Variants in ABHD3 observed in about 807,000 individuals in gnomAD.
ABHD3 encodes abhydrolase domain containing 3, phospholipase.
ABHD3 carries 46 observed loss-of-function variants against 48.8 expected under a neutral mutation model. The observed-to-expected ratio is 0.94, with a 90% CI of 0.74 to 1.20. The LOEUF is 1.20. ABHD3 is among the 50% of genes most tolerant of loss of function. The pLI is 0.00. For missense variants in ABHD3, 490 were observed against 497.8 expected, an observed-to-expected ratio of 0.98 and a Z score of 0.15; for synonymous variants, 192 against 183.7, an observed-to-expected ratio of 1.04 and a Z score of -0.36.
chr18:21,675,486 C>T (rs1299600827), intron 4 of ABHD3, among the ~76,000 whole-genome samples: 1 of 151,942 alleles, frequency 6.6e-6, no homozygotes, highest in Non-Finnish European at 1.5e-5. Context: ...CCAGAATGGT[C>T]TTGATCTCCT....
At chr18:21,693,356 T>C (rs745652873) in intron 3 of ABHD3, among the ~76,000 whole-genome samples, 8 of 152,192 alleles carry the variant, frequency 5.3e-5, no homozygotes, top group Non-Finnish European at 1.2e-4. Context: ...ATAATTTGTC[T>C]GTGGGTAGGC....
chr18:21,700,477 C>T (rs1208500326), intron 3 of ABHD3, among the ~76,000 whole-genome samples: 4 of 151,836 alleles, frequency 2.6e-5, no homozygotes, highest in Non-Finnish European at 5.9e-5. Flanking sequence ...TGGCTCACTG[C>T]ACCCTCTGCC....
At chr18:21,673,433 C>T (rs1489800462) in intron 4 of ABHD3, among the ~76,000 whole-genome samples, 3 of 151,556 alleles carry the variant, frequency 2.0e-5, no homozygotes, top group Non-Finnish European at 4.4e-5. Flanking sequence ...GCTGGGATTA[C>T]AGACATGCAC....
chr18:21,671,667 T>C (rs144198736), intron 4 of ABHD3, among the ~76,000 whole-genome samples: 38 of 152,252 alleles, frequency 2.5e-4, no homozygotes, highest in Middle Eastern at 3.4e-3. Context: ...ATCCAAAAGA[T>C]ATATCACTTC....
At chr18:21,673,727 T>A (rs762513674) in intron 4 of ABHD3, 1 of 152,540 alleles carries the variant, frequency 6.6e-6, no homozygotes, top group Non-Finnish European at 1.5e-5. Context: ...TTCTTCAGCC[T>A]CCTGAGTAGC....
intron 8 of ABHD3, among the ~76,000 whole-genome samples, chr18:21,653,282 G>A (rs904706731): frequency 1.9e-4 from 28 of 150,216 alleles, no homozygotes; most frequent in African/African-American, 6.6e-4. Flanking sequence ...GTGAACTATC[G>A]CACCACTGCA....
chr18:21,683,678 ATATAT>A (rs2040060683), intron 4 of ABHD3: 8 of 235,656 alleles, frequency 3.4e-5, no homozygotes, highest in East Asian at 2.8e-4. Context: ...AAAAATAGAA[ATATAT>A]TATATATATT....
intron 8 of ABHD3, among the ~76,000 whole-genome samples, chr18:21,654,686 T>C (rs1277072810): frequency 6.6e-6 from 1 of 152,210 alleles, no homozygotes; most frequent in East Asian, 1.9e-4. Flanking sequence ...CTTCACACTC[T>C]GGATACATTC....
intron 8 of ABHD3, among the ~76,000 whole-genome samples, chr18:21,653,019 C>T (rs1468456350): frequency 3.1e-5 from 4 of 130,818 alleles, no homozygotes; most frequent in African/African-American, 1.2e-4. Flanking sequence ...TGCCACTGCA[C>T]TCCAGCCTGG....
chr18:21,685,784 A>G (rs1212281994), intron 3 of ABHD3, among the ~76,000 whole-genome samples: 1 of 151,870 alleles, frequency 6.6e-6, no homozygotes, highest in Non-Finnish European at 1.5e-5. Flanking sequence ...TGCAACCTCC[A>G]TCTCCCAGAT....
chr18:21,696,513 A>G (rs2040373515), intron 3 of ABHD3, among the ~76,000 whole-genome samples: 1 of 152,150 alleles, frequency 6.6e-6, no homozygotes, highest in East Asian at 1.9e-4. Context: ...ATTTAAGAAA[A>G]CAAGATATTA....
At chr18:21,704,284 C>T (rs943656545) in intron 1 of ABHD3, among the ~76,000 whole-genome samples, 15 of 152,200 alleles carry the variant, frequency 9.9e-5, no homozygotes, top group Non-Finnish European at 2.1e-4. Context: ...CAGCCGGGTT[C>T]AGGCTGCGCT....
intron 3 of ABHD3, among the ~76,000 whole-genome samples, chr18:21,697,537 G>A (rs1437043324): frequency 6.6e-6 from 1 of 152,070 alleles, no homozygotes; most frequent in African/African-American, 2.4e-5. Context: ...ATGCCATGAT[G>A]CCCGGCTAAT....
intron 3 of ABHD3, among the ~76,000 whole-genome samples, chr18:21,694,788 T>C (rs554593863): frequency 6.6e-6 from 1 of 152,214 alleles, no homozygotes; most frequent in South Asian, 2.1e-4. Flanking sequence ...TCTACTGAGA[T>C]TCTCATGTTT....
intron 8 of ABHD3, 46 bp from the exon 9 acceptor site, chr18:21,651,809 G>T (rs757354395): frequency 2.9e-6 from 4 of 1,371,066 alleles, no homozygotes; most frequent in African/African-American, 3.0e-5. Flanking sequence ...GAAGGAGAGA[G>T]AAAAATATAA....
At chr18:21,678,859 A>T (rs959059039) in intron 4 of ABHD3, among the ~76,000 whole-genome samples, 4 of 152,160 alleles carry the variant, frequency 2.6e-5, no homozygotes, top group Non-Finnish European at 5.9e-5. Flanking sequence ...TCATTTCCTA[A>T]TAAGAAAGGC....
chr18:21,663,079 T>C (rs566100998), intron 5 of ABHD3, among the ~76,000 whole-genome samples: 5 of 152,204 alleles, frequency 3.3e-5, no homozygotes, highest in African/African-American at 9.7e-5. Context: ...TCCATGCTAA[T>C]GGAAGAAATG....
At chr18:21,668,579 G>A (rs1350969638) in intron 4 of ABHD3, among the ~76,000 whole-genome samples, 1 of 152,112 alleles carries the variant, frequency 6.6e-6, no homozygotes, top group African/African-American at 2.4e-5. Flanking sequence ...ATTAAGGCCT[G>A]GCAAGGTTGA....
At chr18:21,683,587 A>G (rs2040057452) in intron 4 of ABHD3, 2 of 501,100 alleles carry the variant, frequency 4.0e-6, no homozygotes, top group African/African-American at 4.0e-5. Context: ...GTAGAAAAAA[A>G]ATGATGTAGG....
Sources: allele counts gnomAD v4.1 joint callset (sites outside exome capture counted in the v4.1 genomes callset), GRCh38; gene constraint gnomAD v4.1.1; transcripts MANE v1.5; gene names NCBI Gene and HGNC (gene_info 2026-07-23, HGNC 2026-07-21).